SLC25A21: variants seen among roughly 807,000 people sequenced by gnomAD.
SLC25A21 encodes the protein mitochondrial 2-oxodicarboxylate carrier.
SLC25A21 carries 47 observed loss-of-function variants against 43.8 expected under a neutral mutation model. The observed-to-expected ratio is 1.07, with a 90% CI of 0.85 to 1.37. The LOEUF (loss-of-function observed/expected upper bound fraction) is 1.37. SLC25A21 is among the 40% of genes most tolerant of loss of function. The pLI, the probability that SLC25A21 is intolerant of heterozygous loss-of-function variation, is 0.00. For synonymous variants in SLC25A21, 131 were observed against 121.3 expected (o/e 1.08, Z -0.52); for missense variants, 352 against 350.2 (o/e 1.00, Z -0.04).
intron 1 of SLC25A21, among the ~76,000 whole-genome samples, chr14:36,989,023 G>A (rs1399251427): frequency 6.6e-6 from 1 of 152,184 alleles, no homozygotes; most frequent in Non-Finnish European, 1.5e-5. Context: ...AGCAATTACT[G>A]CCACTTGGCA....
intron 1 of SLC25A21, among the ~76,000 whole-genome samples, chr14:36,886,843 T>C (rs375693104): frequency 1.3e-5 from 2 of 152,226 alleles, no homozygotes; most frequent in South Asian, 4.1e-4. Flanking sequence ...TCTTCCTCTT[T>C]GTTATTTAAC....
At chr14:36,790,458 A>G (rs1459011672) in intron 3 of SLC25A21, among the ~76,000 whole-genome samples, 1 of 152,154 alleles carries the variant, frequency 6.6e-6, no homozygotes, top group African/African-American at 2.4e-5. Context: ...TCGAATAATT[A>G]GTTACTCTGC....
At chr14:36,959,426 G>A (rs76645936) in intron 1 of SLC25A21, among the ~76,000 whole-genome samples, 2,470 of 152,274 alleles carry the variant, frequency 0.016, 29 homozygotes, top group Middle Eastern at 0.037. Context: ...TGCAGGTGGA[G>A]GAGGTGCTGC....
At chr14:36,794,147 T>C (rs1034673094) in intron 3 of SLC25A21, among the ~76,000 whole-genome samples, 3 of 151,892 alleles carry the variant, frequency 2.0e-5, no homozygotes, top group Non-Finnish European at 2.9e-5. Flanking sequence ...CTAGTGTAGG[T>C]AAAGTACCAT....
At chr14:37,093,328 CT>C (rs1369754458) in intron 1 of SLC25A21, among the ~76,000 whole-genome samples, 6 of 152,158 alleles carry the variant, frequency 3.9e-5, no homozygotes, top group African/African-American at 1.4e-4. Flanking sequence ...TTTATGAATA[CT>C]TTTTCTTTAG....
At chr14:36,804,499 C>T (rs1460749649) in intron 3 of SLC25A21, among the ~76,000 whole-genome samples, 1 of 152,170 alleles carries the variant, frequency 6.6e-6, no homozygotes, top group East Asian at 1.9e-4. Context: ...ATCCTCCTAC[C>T]TGCTAGGGCT....
At chr14:37,117,601 G>A (rs1289124858) in intron 1 of SLC25A21, among the ~76,000 whole-genome samples, 1 of 152,046 alleles carries the variant, frequency 6.6e-6, no homozygotes, top group Non-Finnish European at 1.5e-5. Context: ...ACTAGAGTAC[G>A]TTTTTCACTC....
chr14:37,171,025 G>A lies in SLC25A21; in HGVS notation c.70+1256C>T, dbSNP rs984924049. Among the ~76,000 whole-genome samples the A allele has an allele frequency of 5.3e-5, 8 of 150,762 alleles. No homozygotes were observed. In the East Asian group the frequency reaches 9.8e-4, roughly 19 times the overall value. ...GGATTGCTTGAACCCGGGAGTTGGA[G>A]CAGCGAGCCGAGATCGCGCCATGGC... is the stretch of plus-strand genomic sequence containing the variant. On this transcript the variant is annotated intron_variant, in intron 1 of 9. Coordinates refer to ENST00000331299, the MANE Select transcript of SLC25A21 (RefSeq NM_030631.4).
intron 2 of SLC25A21, among the ~76,000 whole-genome samples, chr14:36,815,650 G>A (rs1376143720): frequency 6.6e-6 from 1 of 152,030 alleles, no homozygotes; most frequent in Non-Finnish European, 1.5e-5. Flanking sequence ...TGAACTCTTA[G>A]CCCTCCAAAT....
At chr14:36,992,272 G>C (rs1377185888) in intron 1 of SLC25A21, among the ~76,000 whole-genome samples, 13 of 152,120 alleles carry the variant, frequency 8.5e-5, no homozygotes, top group Non-Finnish European at 7.4e-5. Flanking sequence ...CCCTGGTAGT[G>C]GTATGCACCT....
chr14:37,123,690 C>T (rs1963250024), intron 1 of SLC25A21, among the ~76,000 whole-genome samples: 1 of 151,990 alleles, frequency 6.6e-6, no homozygotes, highest in African/African-American at 2.4e-5. Context: ...TAAATCATGA[C>T]AATCCTATAA....
At position 37,029,191 on chromosome 14, in the gene SLC25A21, T is replaced by C. The variant is rs567794511; in HGVS notation, c.70+143090A>G. 3.3e-5 allele frequency among the ~76,000 whole-genome samples: 5 copies of C among 152,292 alleles called. No homozygotes were observed. The East Asian group carries it at 7.7e-4, about 23-fold the overall frequency. ...ATTTGCCTAAGGATTAGAGAGGAAC[T>C]CAATGACAAGCAATATTTAAAAGGA... On this transcript the variant is annotated intron_variant, in intron 1 of 9. Coordinates refer to ENST00000331299, the MANE Select transcript of SLC25A21 (RefSeq NM_030631.4).
chr14:36,976,877 G>A (rs1959886326), intron 1 of SLC25A21, among the ~76,000 whole-genome samples: 3 of 152,210 alleles, frequency 2.0e-5, no homozygotes, highest in Admixed American at 2.0e-4. Flanking sequence ...ATCTTGTCCT[G>A]CCACTTGGCT....
intron 1 of SLC25A21, among the ~76,000 whole-genome samples, chr14:37,157,307 A>G (rs1963868134): frequency 6.6e-6 from 1 of 152,192 alleles, no homozygotes; most frequent in South Asian, 2.1e-4. Flanking sequence ...GGTTGCAGTG[A>G]GCCAAGATAG....
At chr14:37,096,637 T>C (rs1244854297) in intron 1 of SLC25A21, among the ~76,000 whole-genome samples, 2 of 152,122 alleles carry the variant, frequency 1.3e-5, no homozygotes, top group Non-Finnish European at 2.9e-5. Flanking sequence ...GCTTGATCAG[T>C]TCTGTTTCTG....
intron 1 of SLC25A21, among the ~76,000 whole-genome samples, chr14:36,881,112 C>T (rs957593576): frequency 3.9e-5 from 6 of 152,180 alleles, no homozygotes; most frequent in Admixed American, 2.6e-4. Context: ...TACCTATGTT[C>T]TGCATCAATT....
intron 3 of SLC25A21, among the ~76,000 whole-genome samples, chr14:36,777,510 C>A (rs1886882008): frequency 6.6e-6 from 1 of 151,912 alleles, no homozygotes; most frequent in Admixed American, 6.6e-5. Flanking sequence ...TAAACTGGGC[C>A]CTAAATTTGA....
chr14:36,705,822 G>C (rs1335559721), intron 7 of SLC25A21, among the ~76,000 whole-genome samples: 2 of 152,150 alleles, frequency 1.3e-5, no homozygotes, highest in African/African-American at 2.4e-5. Context: ...CAATTGCTGG[G>C]TAAGGGAATT....
At chr14:36,713,805 A>C (rs769175995) in intron 6 of SLC25A21, among the ~76,000 whole-genome samples, 28 of 152,048 alleles carry the variant, frequency 1.8e-4, no homozygotes, top group Non-Finnish European at 4.0e-4. Context: ...ACAACATAGT[A>C]AGACCCAGTC....
Sources: allele counts gnomAD v4.1 joint callset (sites outside exome capture counted in the v4.1 genomes callset), GRCh38; gene constraint gnomAD v4.1.1; transcripts MANE v1.5; gene names NCBI Gene and HGNC (gene_info 2026-07-23, HGNC 2026-07-21).